Variants in PLD5 observed in about 807,000 individuals in gnomAD.
The protein encoded by PLD5 is inactive phospholipase D5.
In PLD5, 36 loss-of-function variants were observed where a neutral mutation model predicts 61.1. The ratio of observed to expected loss-of-function variants is 0.59; its 90% CI spans 0.45 to 0.78. The LOEUF is 0.78. Among genes scored for constraint, PLD5 ranks in the 30% least tolerant of loss-of-function variants. The pLI is 0.00. For missense variants in PLD5, 515 were observed against 644.4 expected (o/e 0.80, Z 2.17); for synonymous variants, 243 against 242.8 (o/e 1.00, Z -0.01).
At chr1:242,143,848 T>C (rs1664350999) in intron 5 of PLD5, among the ~76,000 whole-genome samples, 1 of 151,676 alleles carries the variant, frequency 6.6e-6, no homozygotes, top group African/African-American at 2.4e-5. Flanking sequence ...CTTTTTTTTT[T>C]CCTTTTTTTT....
chr1:242,402,903 T>C (rs1332752227), intron 1 of PLD5, among the ~76,000 whole-genome samples: 1 of 152,190 alleles, frequency 6.6e-6, no homozygotes, highest in Non-Finnish European at 1.5e-5. Context: ...TGCTAGAAGC[T>C]AGAAGTAATT....
chr1:242,386,484 A>G (rs1662608367), intron 1 of PLD5, among the ~76,000 whole-genome samples: 1 of 152,160 alleles, frequency 6.6e-6, no homozygotes, highest in African/African-American at 2.4e-5. Context: ...CTGGGCACAC[A>G]GCAAACCTGA....
chr1:242,427,404 C>A (rs2810020), intron 1 of PLD5, among the ~76,000 whole-genome samples: 40,307 of 152,024 alleles, frequency 0.27, 5,648 homozygotes, highest in Admixed American at 0.31. Flanking sequence ...TGTCTTCCAA[C>A]CTATCTACAT....
Position 242,413,297 on chromosome 1 carries a change from G to A in PLD5, c.190-65055C>T, listed in dbSNP as rs189657356. ...AATCATATTTTTCTAACCCTTTGTC[G>A]TCATGATCTCTCTTTTTTTTTTTTC... is the stretch of plus-strand genomic sequence containing the variant. On this transcript the variant is annotated intron_variant, in intron 1 of 9. Coordinates refer to ENST00000536534, the MANE Select transcript of PLD5 (RefSeq NM_001372062.1). Among the ~76,000 whole-genome samples the A allele has an allele frequency of 5.6e-3, 846 of 150,282 alleles. 3 individuals carry two copies. The highest frequency in any genetic ancestry group is 0.01 in the Middle Eastern group (3 of 288).
intron 3 of PLD5, among the ~76,000 whole-genome samples, chr1:242,283,142 AG>A (rs2149129998): frequency 6.6e-6 from 1 of 152,386 alleles, no homozygotes; most frequent in South Asian, 2.1e-4. Context: ...AAAATAAAAA[AG>A]CACATATTCA....
At chr1:242,138,482 C>A (rs1663916844) in intron 5 of PLD5, among the ~76,000 whole-genome samples, 1 of 151,554 alleles carries the variant, frequency 6.6e-6, no homozygotes, top group Non-Finnish European at 1.5e-5. Flanking sequence ...GAAATCCCCT[C>A]GAAGAACACT....
In PLD5 at chr1:242,138,586, C is replaced by T. The variant is rs186450056; in HGVS notation, c.736-13921G>A. ...CAAGAGATTTTATAAAGGTCCAATG[C>T]GGAAATAAAGCACATATTTTTCTGT... On this transcript the variant is annotated intron_variant, in intron 5 of 9. Coordinates refer to ENST00000536534, the MANE Select transcript of PLD5 (RefSeq NM_001372062.1). Among the ~76,000 whole-genome samples, 23 of 152,184 alleles carry T rather than the reference C, an allele frequency of 1.5e-4. No homozygotes were observed. In the East Asian group the frequency reaches 2.5e-3, roughly 17 times the overall value.
At chr1:242,456,342 T>G (rs1384101136) in intron 1 of PLD5, among the ~76,000 whole-genome samples, 2 of 152,162 alleles carry the variant, frequency 1.3e-5, no homozygotes, top group Non-Finnish European at 2.9e-5. Flanking sequence ...TAAGATCCAG[T>G]TCCTTAGTCA....
chr1:242,229,527 A>C (rs74535582), intron 4 of PLD5, among the ~76,000 whole-genome samples: 16,457 of 152,182 alleles, frequency 0.11, 1,164 homozygotes, highest in South Asian at 0.25. Flanking sequence ...ATTGAGTTGG[A>C]TCTATAGATC....
intron 5 of PLD5, among the ~76,000 whole-genome samples, chr1:242,161,639 C>T (rs542921936): frequency 6.6e-6 from 1 of 152,216 alleles, no homozygotes; most frequent in South Asian, 2.1e-4. Context: ...GTGAACACTG[C>T]AGATAAATTG....
intron 3 of PLD5, among the ~76,000 whole-genome samples, chr1:242,279,046 G>T (rs1574656912): frequency 6.6e-6 from 1 of 152,194 alleles, no homozygotes; most frequent in African/African-American, 2.4e-5. Context: ...CAATCACTGA[G>T]CTCCATTTTG....
chr1:242,215,704 A>G (rs968018241), intron 5 of PLD5, among the ~76,000 whole-genome samples: 3 of 152,056 alleles, frequency 2.0e-5, no homozygotes, highest in African/African-American at 7.2e-5. Context: ...AAATGAAGAA[A>G]ATAACCCTAC....
chr1:242,426,720 G>A (rs1665448107), intron 1 of PLD5, among the ~76,000 whole-genome samples: 1 of 152,182 alleles, frequency 6.6e-6, no homozygotes, highest in Non-Finnish European at 1.5e-5. Flanking sequence ...TAATTAAGAA[G>A]TACATTTTTA....
chr1:242,479,577 A>G (rs1489675694), intron 1 of PLD5, among the ~76,000 whole-genome samples: 1 of 152,194 alleles, frequency 6.6e-6, no homozygotes, highest in Non-Finnish European at 1.5e-5. Flanking sequence ...GAGAGCAGAT[A>G]TTGTTAAGAT....
chr1:242,405,007 G>A (rs1406472214), intron 1 of PLD5, among the ~76,000 whole-genome samples: 1 of 150,560 alleles, frequency 6.6e-6, no homozygotes, highest in East Asian at 2.0e-4. Context: ...AGCCTCCTGA[G>A]TAACTGGGAT....
At chr1:242,216,408 A>T (rs7548908) in intron 5 of PLD5, among the ~76,000 whole-genome samples, 42,711 of 152,124 alleles carry the variant, frequency 0.28, 6,432 homozygotes, top group South Asian at 0.4. Flanking sequence ...AAAGCAGCCT[A>T]ATCCTTAACT....
intron 1 of PLD5, among the ~76,000 whole-genome samples, chr1:242,483,480 A>G (rs1667854261): frequency 6.6e-6 from 1 of 152,240 alleles, no homozygotes; most frequent in South Asian, 2.1e-4. Context: ...ACATAGTGGT[A>G]AAGGGATCAA....
chr1:242,429,049 T>C (rs1236807610), intron 1 of PLD5, among the ~76,000 whole-genome samples: 3 of 152,196 alleles, frequency 2.0e-5, no homozygotes, highest in Non-Finnish European at 2.9e-5. Context: ...CCTTCAAGCC[T>C]CATGATGCCA....
chr1:242,288,778 G>T (rs1270325162), intron 2 of PLD5, among the ~76,000 whole-genome samples: 2 of 152,174 alleles, frequency 1.3e-5, no homozygotes, highest in Admixed American at 6.5e-5. Flanking sequence ...AAATAACAGA[G>T]TATGTCTCTA....
Sources: allele counts gnomAD v4.1 joint callset (sites outside exome capture counted in the v4.1 genomes callset), GRCh38; gene constraint gnomAD v4.1.1; transcripts MANE v1.5; gene names NCBI Gene and HGNC (gene_info 2026-07-23, HGNC 2026-07-21).